LY96: variants seen among roughly 807,000 people sequenced by gnomAD.
LY96 encodes the protein lymphocyte antigen 96, also known as myeloid differentiation protein-2.
Under a neutral mutation model 18.9 loss-of-function variants are expected in LY96, and 18 were observed. The observed-to-expected ratio is 0.95, with a 90% confidence interval of 0.66 to 1.41. LY96 has a LOEUF of 1.41. Among genes scored for constraint, LY96 ranks in the 40% most tolerant of loss-of-function variants. The pLI, the probability that LY96 is intolerant of heterozygous loss-of-function variation, is 0.00. For missense variants in LY96, 175 were observed against 182.4 expected (o/e 0.96, Z 0.23); for synonymous variants, 66 against 62.6 (o/e 1.06, Z -0.26).
intron 2 of LY96, among the ~76,000 whole-genome samples, chr8:74,005,913 T>C (rs1348177354): frequency 1.3e-5 from 2 of 152,248 alleles, no homozygotes; most frequent in South Asian, 2.1e-4. Flanking sequence ...TTTAGATTAA[T>C]ACTTTACAGA....
the LY96 span, among the ~76,000 whole-genome samples, chr8:74,034,570 G>A: frequency 6.6e-6 from 1 of 152,018 alleles, no homozygotes; most frequent in Non-Finnish European, 1.5e-5. Context: ...AATGGAATAG[G>A]TTCCTTTTTC....
At chr8:74,083,928 C>G in the LY96 span, among the ~76,000 whole-genome samples, 1 of 151,952 alleles carries the variant, frequency 6.6e-6, no homozygotes, top group Non-Finnish European at 1.5e-5. Context: ...CTCAAATGAT[C>G]CTTCCACCTT....
In LY96 at chr8:73,991,550, C is replaced by G. The variant is rs138279656; in HGVS notation, c.108C>G (p.Tyr36Ter). The G allele has an allele frequency of 2.5e-5, 40 of 1,579,654 alleles. 1 individual carries two copies. The East Asian group carries it at 8.7e-4, about 34-fold the overall frequency. Residue 36 changes from tyrosine to a stop codon, truncating the protein, a stop_gained, in exon 1 of 5, where the codon TAC becomes TAG. Transcript: ENST00000284818. LOFTEE classifies it high-confidence loss of function. ...CCGATGCAAGTATTTCATACACCTA[C>G]TGTGGTAAGTAAAACCGCAAAACAA... ...NSSDASISYT[Y>*]CDKMQYPISI...
chr8:74,014,542 G>A (rs1431250831), intron 3 of LY96, among the ~76,000 whole-genome samples: 9 of 148,268 alleles, frequency 6.1e-5, no homozygotes, highest in African/African-American at 2.2e-4. Context: ...GGCATGTTAA[G>A]CTCAAGGTAA....
the LY96 span, among the ~76,000 whole-genome samples, chr8:74,035,110 A>G: frequency 6.6e-6 from 1 of 152,228 alleles, no homozygotes; most frequent in Non-Finnish European, 1.5e-5. Flanking sequence ...GCTAATTGCT[A>G]AAAGTCTGTA....
chr8:74,058,062 T>C, the LY96 span, among the ~76,000 whole-genome samples: 4 of 152,262 alleles, frequency 2.6e-5, no homozygotes, highest in African/African-American at 7.2e-5. Context: ...AAGAGGATAC[T>C]TCTCCAGGTC....
chr8:74,057,438 G>T, the LY96 span, among the ~76,000 whole-genome samples: 4 of 152,108 alleles, frequency 2.6e-5, no homozygotes, highest in African/African-American at 9.7e-5. Flanking sequence ...AACTTGTATT[G>T]GATCATCCTC....
At chr8:74,056,331 C>T in the LY96 span, 1 of 341,024 alleles carries the variant, frequency 2.9e-6, no homozygotes, top group Non-Finnish European at 5.6e-6. Context: ...TGCTCAGCAC[C>T]AACAGGTCTG....
the LY96 span, among the ~76,000 whole-genome samples, chr8:74,065,894 T>C: frequency 5.3e-5 from 8 of 152,322 alleles, no homozygotes; most frequent in African/African-American, 9.6e-5. Context: ...CTGAATTATA[T>C]TGGTGAGTAC....
intron 3 of LY96, among the ~76,000 whole-genome samples, 195 bp from the exon 4 acceptor site, chr8:74,026,594 T>C (rs990684718): frequency 1.3e-5 from 2 of 152,154 alleles, no homozygotes; most frequent in African/African-American, 4.8e-5. Context: ...TAGGGGCAGG[T>C]GTACAGAGAG....
At chr8:73,997,931 AC>A (rs1204573846) in intron 1 of LY96, among the ~76,000 whole-genome samples, 1 of 152,146 alleles carries the variant, frequency 6.6e-6, no homozygotes, top group Non-Finnish European at 1.5e-5. Flanking sequence ...GTGTTCACCA[AC>A]CCAGAAGCTC....
the LY96 span, among the ~76,000 whole-genome samples, chr8:74,077,023 G>A: frequency 6.6e-6 from 1 of 152,172 alleles, no homozygotes; most frequent in Non-Finnish European, 1.5e-5. Context: ...TCATAGAATT[G>A]AGGGAAACAC....
the LY96 span, among the ~76,000 whole-genome samples, chr8:74,064,576 C>T: frequency 2.0e-5 from 3 of 152,308 alleles, no homozygotes; most frequent in Admixed American, 6.5e-5. Flanking sequence ...CCCTCTCTGG[C>T]CATGTCACAT....
chr8:74,025,214 C>G (rs967845762), intron 3 of LY96, among the ~76,000 whole-genome samples: 3 of 152,102 alleles, frequency 2.0e-5, no homozygotes, highest in Admixed American at 1.3e-4. Context: ...TCTTCCCAGG[C>G]CCTGGTGGGT....
chr8:74,047,064 G>C, the LY96 span, among the ~76,000 whole-genome samples: 1 of 152,064 alleles, frequency 6.6e-6, no homozygotes, highest in Non-Finnish European at 1.5e-5. Flanking sequence ...ACCACACCCA[G>C]GTAATTTTTG....
chr8:74,051,391 C>G, the LY96 span, among the ~76,000 whole-genome samples: 1 of 152,160 alleles, frequency 6.6e-6, no homozygotes, highest in African/African-American at 2.4e-5. Flanking sequence ...CTGAGAGTAG[C>G]TTCTTAAATT....
intron 3 of LY96, 115 bp downstream of exon 3, chr8:74,010,244 C>A: frequency 2.0e-6 from 2 of 1,015,752 alleles, no homozygotes; most frequent in East Asian, 2.7e-5. Context: ...ATTCTTTTTC[C>A]ATCCAAAGTT....
chr8:74,097,077 T>A, the LY96 span, among the ~76,000 whole-genome samples: 6 of 152,214 alleles, frequency 3.9e-5, no homozygotes, highest in African/African-American at 1.4e-4. Flanking sequence ...CATTATATCA[T>A]GAGCATTTCC....
At chr8:74,028,472 T>G (rs75218174) in intron 4 of LY96, among the ~76,000 whole-genome samples, 1 of 152,168 alleles carries the variant, frequency 6.6e-6, no homozygotes, top group South Asian at 2.1e-4. Context: ...AATGTGAACA[T>G]TGTTTAGGAG....
Sources: allele counts gnomAD v4.1 joint callset (sites outside exome capture counted in the v4.1 genomes callset), GRCh38; gene constraint gnomAD v4.1.1; transcripts MANE v1.5; gene names NCBI Gene and HGNC (gene_info 2026-07-23, HGNC 2026-07-21).